The following RALYL variants were observed in gnomAD, a reference collection of about 807,000 sequenced individuals.
RALYL encodes the protein RALY RNA binding protein like.
A neutral mutation model predicts 35.1 loss-of-function variants in RALYL; 29 were observed. That is an observed-to-expected ratio of 0.83 (90% confidence interval 0.61 to 1.13). The LOEUF is 1.13. Among genes scored for constraint, RALYL ranks in the 50% most tolerant of loss-of-function variants. The probability of loss-of-function intolerance (pLI) is 0.00; values close to 1 mark genes in which losing one functional copy is unlikely to be tolerated. For synonymous variants in RALYL, 120 were observed against 127.6 expected (o/e 0.94, Z 0.40); for missense variants, 359 against 360.4 (o/e 1.00, Z 0.03).
intron 1 of RALYL, among the ~76,000 whole-genome samples, chr8:84,450,895 A>C (rs2049395552): frequency 6.6e-6 from 1 of 151,966 alleles, no homozygotes; most frequent in African/African-American, 2.4e-5. Context: ...TTGATAATAA[A>C]TCTTTTCTTT....
chr8:84,588,094 C>G (rs1213260476), intron 2 of RALYL, among the ~76,000 whole-genome samples: 2 of 152,072 alleles, frequency 1.3e-5, no homozygotes, highest in Non-Finnish European at 1.5e-5. Context: ...CTTGAAGGTC[C>G]AGGGTGGCAT....
intron 2 of RALYL, among the ~76,000 whole-genome samples, chr8:84,566,035 G>T (rs2061758316): frequency 6.9e-6 from 1 of 144,738 alleles, no homozygotes; most frequent in African/African-American, 2.5e-5. Flanking sequence ...TCAGGCAAAA[G>T]TTCAGTCATT....
At chr8:84,882,098 A>G (rs952584807) in intron 7 of RALYL, among the ~76,000 whole-genome samples, 4 of 152,022 alleles carry the variant, frequency 2.6e-5, no homozygotes, top group African/African-American at 4.8e-5. Context: ...ACTAACTTGT[A>G]GCCATTATAA....
chr8:84,410,216 G>A (rs61324467), intron 1 of RALYL, among the ~76,000 whole-genome samples: 4,487 of 151,874 alleles, frequency 0.03, 217 homozygotes, highest in African/African-American at 0.1. Context: ...CAGTAATGTA[G>A]GAGAAGCAGT....
chr8:84,728,376 C>T (rs944362382), intron 2 of RALYL, among the ~76,000 whole-genome samples: 7 of 151,864 alleles, frequency 4.6e-5, no homozygotes, highest in South Asian at 2.1e-4. Flanking sequence ...GGATATTAGC[C>T]CTTTGTCAGA....
At chr8:84,258,162 T>C (rs1378606425) in intron 1 of RALYL, among the ~76,000 whole-genome samples, 1 of 152,078 alleles carries the variant, frequency 6.6e-6, no homozygotes, top group Non-Finnish European at 1.5e-5. Flanking sequence ...AGGTGGAGGA[T>C]TGTGGTGGTG....
chr8:84,224,467 A>G (rs1462948004), intron 1 of RALYL, among the ~76,000 whole-genome samples: 1 of 152,086 alleles, frequency 6.6e-6, no homozygotes, highest in African/African-American at 2.4e-5. Context: ...AGGTATGAAA[A>G]ATAAAGGGTT....
intron 4 of RALYL, among the ~76,000 whole-genome samples, chr8:84,822,675 T>C (rs1214994796): frequency 6.6e-6 from 1 of 152,162 alleles, no homozygotes; most frequent in Non-Finnish European, 1.5e-5. Flanking sequence ...ACATTTATTT[T>C]GGCAATGTAA....
At chr8:84,866,058 C>T (rs1025990050) in intron 6 of RALYL, among the ~76,000 whole-genome samples, 1 of 152,142 alleles carries the variant, frequency 6.6e-6, no homozygotes, top group African/African-American at 2.4e-5. Flanking sequence ...CCCATCCATC[C>T]ATTATCCTAG....
chr8:84,513,861 C>T (rs983353526), intron 1 of RALYL, among the ~76,000 whole-genome samples: 9 of 151,574 alleles, frequency 5.9e-5, no homozygotes, highest in East Asian at 1.9e-4. Context: ...TTTGGGAGGC[C>T]GAGGCAGGTG....
intron 1 of RALYL, among the ~76,000 whole-genome samples, chr8:84,226,974 G>C (rs1371557481): frequency 6.9e-6 from 1 of 145,806 alleles, no homozygotes. Flanking sequence ...GTTAGGTATT[G>C]TTTCATGGAA....
intron 4 of RALYL, among the ~76,000 whole-genome samples, chr8:84,844,876 C>A (rs552263870): frequency 6.6e-6 from 1 of 152,108 alleles, no homozygotes; most frequent in South Asian, 2.1e-4. Context: ...GGACAAAAAA[C>A]CAAACGCCAC....
At chr8:84,722,148 A>T (rs1426151196) in intron 2 of RALYL, among the ~76,000 whole-genome samples, 1 of 152,128 alleles carries the variant, frequency 6.6e-6, no homozygotes, top group Non-Finnish European at 1.5e-5. Context: ...AGAATTGAAA[A>T]AAAGCTATTA....
chr8:84,451,227 GAAAT>G (rs1474930044), intron 1 of RALYL, among the ~76,000 whole-genome samples: 1 of 151,834 alleles, frequency 6.6e-6, no homozygotes. Flanking sequence ...TTTTATTGGT[GAAAT>G]AAATATGTAA....
intron 1 of RALYL, among the ~76,000 whole-genome samples, chr8:84,333,372 G>A (rs1847184704): frequency 6.6e-6 from 1 of 152,080 alleles, no homozygotes; most frequent in Non-Finnish European, 1.5e-5. Flanking sequence ...TAGGCACAGT[G>A]AAAACTATTA....
At chr8:84,846,745 G>C (rs955563667) in intron 4 of RALYL, among the ~76,000 whole-genome samples, 1 of 152,124 alleles carries the variant, frequency 6.6e-6, no homozygotes, top group African/African-American at 2.4e-5. Context: ...ATTATGAGAG[G>C]TTGTGTTTCA....
chr8:84,212,021 T>A (rs1819610490), intron 1 of RALYL, among the ~76,000 whole-genome samples: 1 of 152,090 alleles, frequency 6.6e-6, no homozygotes, highest in South Asian at 2.1e-4. Context: ...AACAGAAAAT[T>A]CACTATTGCA....
chr8:84,270,580 G>GTGTGTGTA (rs1020758052), intron 1 of RALYL, among the ~76,000 whole-genome samples: 9 of 150,102 alleles, frequency 6.0e-5, no homozygotes, highest in African/African-American at 2.2e-4. Context: ...GTGTGTGTGT[G>GTGTGTGTA]TGTATGTATG....
chr8:84,261,681 G>T, intron 1 of RALYL, among the ~76,000 whole-genome samples: 1 of 151,780 alleles, frequency 6.6e-6, no homozygotes, highest in South Asian at 2.1e-4. Context: ...TGAATATATG[G>T]CTTTCAATAT....
Sources: allele counts gnomAD v4.1 joint callset (sites outside exome capture counted in the v4.1 genomes callset), GRCh38; gene constraint gnomAD v4.1.1; transcripts MANE v1.5; gene names NCBI Gene and HGNC (gene_info 2026-07-23, HGNC 2026-07-21).